Variants in C2CD5 observed in about 807,000 individuals in gnomAD.
The protein encoded by C2CD5 is C2 domain-containing protein 5.
Under a neutral mutation model 130.3 loss-of-function variants are expected in C2CD5, and 109 were observed. That is an observed-to-expected ratio of 0.84 (90% CI 0.72 to 0.98). C2CD5 has a LOEUF of 0.98. Ranked by LOEUF, C2CD5 falls within the 50% of genes least tolerant of loss-of-function variation. C2CD5 has a pLI of 0.00. For synonymous variants in C2CD5, 454 were observed against 429.2 expected (o/e 1.06, Z -0.71); for missense variants, 996 against 1,261.8 (o/e 0.79, Z 3.19).
chr12:22,463,387 G>A (rs1941530104), intron 22 of C2CD5: 1 of 150,668 alleles, frequency 6.6e-6, no homozygotes, highest in African/African-American at 2.4e-5. Context: ...GGAGACTCTT[G>A]TCTCAAAAAA....
At chr12:22,471,929 T>A in intron 19 of C2CD5, 38 bp downstream of exon 19, 1 of 1,067,612 alleles carries the variant, frequency 9.4e-7, no homozygotes, top group South Asian at 1.2e-5. Context: ...TTCATTATTA[T>A]AGACGCATGA....
chr12:22,500,030 A>G (rs1947556706), intron 10 of C2CD5, among the ~76,000 whole-genome samples: 1 of 152,004 alleles, frequency 6.6e-6, no homozygotes, highest in African/African-American at 2.4e-5. Context: ...TCTACAAAAA[A>G]ATAATTAGCC....
intron 7 of C2CD5, among the ~76,000 whole-genome samples, chr12:22,521,231 A>T (rs1253298422): frequency 6.6e-6 from 1 of 152,200 alleles, no homozygotes; most frequent in East Asian, 1.9e-4. Flanking sequence ...AAGCCAGTTG[A>T]AATAAAACAG....
chr12:22,448,935 AAT>A lies in C2CD5; in HGVS notation c.*823_*824del, dbSNP rs1410133692. 1 of 152,456 alleles carries A rather than the reference AAT, an allele frequency of 6.6e-6. No individual in the cohort carries two copies. The highest frequency in any genetic ancestry group is 1.9e-4 in the East Asian group (1 of 5,198). The allele number at this position is 152,456 out of a possible 1,614,324, so 9.4% of individuals were successfully genotyped here. On this transcript the variant is annotated 3_prime_UTR_variant, in exon 27 of 27. Transcript: ENST00000446597. ...AATCCTGTTTATTTGGTAGGAGTGC[AAT>A]ATTATCTTATTAGGAAATAATTTTA...
At position 22,517,969 on chromosome 12, in the gene C2CD5, G is replaced by C. The variant is rs1306140549; in HGVS notation, c.952+17C>G. 6.3e-7 allele frequency: 1 copy of C among 1,579,724 alleles called. No homozygotes were observed. The highest frequency in any genetic ancestry group is 1.2e-5 in the South Asian group (1 of 84,922). On this transcript the variant is annotated intron_variant, in intron 8 of 26. Transcript: ENST00000446597. The stretch of plus-strand genomic sequence containing the variant: ...TTTTAAAAAAGAAAAAATAAAAGGT[G>C]GGTGGAAGCGCCTTACCAGTTTTGG...
At chr12:22,488,258 T>C (rs1056704957) in intron 12 of C2CD5, among the ~76,000 whole-genome samples, 21 of 151,984 alleles carry the variant, frequency 1.4e-4, no homozygotes, top group African/African-American at 4.8e-4. Context: ...GCATAGTGAA[T>C]TAGCATGAAA....
In C2CD5 at chr12:22,487,080, T is replaced by C. The variant is rs568785297; in HGVS notation, c.1359-2192A>G. 1.1e-4 allele frequency among the ~76,000 whole-genome samples: 17 copies of C among 152,278 alleles called. No individual in the cohort carries two copies. In the East Asian group the frequency reaches 3.1e-3, roughly 28 times the overall value. ...TAAGATGGATTAAAGACTTAAATGT[T>C]AGACCTAAAACCATAAAAACCCTAG... On this transcript the variant is annotated intron_variant, in intron 12 of 26. Transcript: ENST00000446597.
chr12:22,518,758 C>T (rs1295790698), intron 7 of C2CD5, among the ~76,000 whole-genome samples: 1 of 152,184 alleles, frequency 6.6e-6, no homozygotes, highest in African/African-American at 2.4e-5. Flanking sequence ...GAAGCTTTGG[C>T]AGCTATTTCA....
chr12:22,488,740 A>G (rs1452300484), intron 12 of C2CD5, among the ~76,000 whole-genome samples: 5 of 152,160 alleles, frequency 3.3e-5, no homozygotes, highest in African/African-American at 1.2e-4. Flanking sequence ...TCTGGAATTC[A>G]TAATAGTCAA....
chr12:22,533,477 G>A (rs1383011566), intron 3 of C2CD5, among the ~76,000 whole-genome samples: 1 of 152,104 alleles, frequency 6.6e-6, no homozygotes, highest in Non-Finnish European at 1.5e-5. Context: ...TGGAGGATTG[G>A]GGCATGCCGA....
chr12:22,522,940 C>T (rs1480046131), intron 7 of C2CD5, among the ~76,000 whole-genome samples: 1 of 152,122 alleles, frequency 6.6e-6, no homozygotes, highest in African/African-American at 2.4e-5. Flanking sequence ...AGGCAGGGCA[C>T]AGTGGCTCAC....
In C2CD5 at chr12:22,449,663, A is replaced by G. The variant is rs1938088053; in HGVS notation, c.*97T>C. The G allele has an allele frequency of 1.8e-6, 2 of 1,105,898 alleles. No individual in the cohort carries two copies. The highest frequency in any genetic ancestry group is 1.6e-5 in the African/African-American group (1 of 64,328). The allele number at this position is 1,105,898 out of a possible 1,614,324, so 68.5% of individuals were successfully genotyped here. ...AAATCTACTCAATTCTTCCTTATTT[A>G]TCTCAAGTTCAATTTTAAGTCTAAG... On this transcript the variant is annotated 3_prime_UTR_variant, in exon 27 of 27. Transcript: ENST00000446597.
chr12:22,539,237 T>C (rs1464314058), intron 2 of C2CD5, among the ~76,000 whole-genome samples: 1 of 152,174 alleles, frequency 6.6e-6, no homozygotes, highest in African/African-American at 2.4e-5. Context: ...CCAATAATTT[T>C]TCTGTCTTCT....
chr12:22,453,955 C>T lies in C2CD5; in HGVS notation c.2965G>A (p.Ala989Thr). Reference protein sequence around the residue: ...RAHVAALGGNAVVSYIMKQCV... With the variant: ...RAHVAALGGNTVVSYIMKQCV... ...TGCTTCATTATGTAGGAGACAACAGCATTCCCTCCTAATGCAGCAACATGA... is the reference window on the plus strand; with the variant it reads ...TGCTTCATTATGTAGGAGACAACAGTATTCCCTCCTAATGCAGCAACATGA... Residue 989 changes from alanine (A) to threonine (T), a missense_variant, in exon 26 of 27, where the codon GCT becomes ACT. By Grantham distance (58) the Ala-to-Thr change is moderately conservative. Coordinates refer to ENST00000446597, the MANE Select transcript of C2CD5 (RefSeq NM_001286176.2). The T allele has an allele frequency of 6.2e-7, 1 of 1,612,836 alleles. No individual in the cohort carries two copies. Among genetic ancestry groups the T allele is most frequent in the Non-Finnish European group, 8.5e-7 (1 of 1,178,990 alleles).
intron 10 of C2CD5, 110 bp downstream of exon 10, chr12:22,506,601 T>G: frequency 1.5e-6 from 1 of 677,914 alleles, no homozygotes; most frequent in South Asian, 1.8e-5. Flanking sequence ...AGTTTATACT[T>G]TCTTTTCATT....
At chr12:22,455,154 G>T (rs1177072462) in intron 25 of C2CD5, among the ~76,000 whole-genome samples, 43 of 152,142 alleles carry the variant, frequency 2.8e-4, no homozygotes, top group Admixed American at 2.8e-3. Context: ...GTTGTATAAA[G>T]ATATCTCTTT....
At chr12:22,481,498 T>C (rs996739830) in intron 14 of C2CD5, among the ~76,000 whole-genome samples, 2 of 152,136 alleles carry the variant, frequency 1.3e-5, no homozygotes, top group African/African-American at 4.8e-5. Flanking sequence ...CACCTGGTTC[T>C]CTGAGTCCTA....
At chr12:22,456,167 G>A (rs1409883726) in intron 25 of C2CD5, among the ~76,000 whole-genome samples, 1 of 152,160 alleles carries the variant, frequency 6.6e-6, no homozygotes, top group Non-Finnish European at 1.5e-5. Flanking sequence ...TAGAAATACT[G>A]CTGGTGAAGA....
At chr12:22,491,433 T>C (rs567212657) in intron 11 of C2CD5, among the ~76,000 whole-genome samples, 1 of 152,302 alleles carries the variant, frequency 6.6e-6, no homozygotes, top group Non-Finnish European at 1.5e-5. Flanking sequence ...AAGCATCAGT[T>C]ACTTCATTGA....
Sources: gnomAD v4.1 joint callset for allele counts (sites outside exome capture counted in the v4.1 genomes callset) on GRCh38, gnomAD v4.1.1 for gene constraint, MANE v1.5 for transcripts, NCBI Gene and HGNC (gene_info 2026-07-23, HGNC 2026-07-21) for gene names.